Variants in SV2C observed in about 807,000 individuals in gnomAD.
SV2C encodes solute carrier family 22 member B3.
In SV2C, 49 loss-of-function variants were observed where a neutral mutation model predicts 79.7. The observed-to-expected ratio is 0.61, with a 90% CI of 0.49 to 0.78. The LOEUF is 0.78. SV2C is among the 30% of genes least tolerant of loss of function. SV2C has a pLI of 0.00. For synonymous variants in SV2C, 334 were observed against 333.2 expected, an observed-to-expected ratio of 1.00 and a Z score of -0.03; for missense variants, 833 against 912.9, an observed-to-expected ratio of 0.91 and a Z score of 1.13.
intron 1 of SV2C, among the ~76,000 whole-genome samples, chr5:76,114,097 G>A (rs535330728): frequency 7.0e-4 from 107 of 152,250 alleles, no homozygotes; most frequent in African/African-American, 2.3e-3. Context: ...ACGGCTCTGT[G>A]GGGACTTGTG....
At chr5:75,900,730 T>G in the SV2C span, among the ~76,000 whole-genome samples, 1 of 152,096 alleles carries the variant, frequency 6.6e-6, no homozygotes, top group Non-Finnish European at 1.5e-5. Flanking sequence ...ACCAATCAGA[T>G]GTAGATTTGG....
chr5:76,051,662 C>A, the SV2C span, among the ~76,000 whole-genome samples: 1 of 152,118 alleles, frequency 6.6e-6, no homozygotes, highest in East Asian at 1.9e-4. Context: ...AATGCAAAAA[C>A]TTTGTTAAAA....
At chr5:76,215,347 C>G (rs1040060133) in intron 4 of SV2C, among the ~76,000 whole-genome samples, 5 of 152,116 alleles carry the variant, frequency 3.3e-5, no homozygotes, top group African/African-American at 1.2e-4. Flanking sequence ...ATAAGGAGAA[C>G]AGTGAGCCTG....
At chr5:75,880,929 C>T in the SV2C span, among the ~76,000 whole-genome samples, 1 of 152,110 alleles carries the variant, frequency 6.6e-6, no homozygotes, top group Non-Finnish European at 1.5e-5. Context: ...AGCACAGCTC[C>T]AGCATCTGCT....
chr5:75,881,746 C>T, the SV2C span, among the ~76,000 whole-genome samples: 7 of 151,452 alleles, frequency 4.6e-5, no homozygotes, highest in Admixed American at 1.3e-4. Context: ...TCTGCAAACA[C>T]GGACAATTTG....
intron 1 of SV2C, among the ~76,000 whole-genome samples, chr5:76,131,075 A>G (rs1748872931): frequency 6.6e-6 from 1 of 152,204 alleles, no homozygotes; most frequent in African/African-American, 2.4e-5. Context: ...TTGGGGTGCC[A>G]TGTGAGTCTC....
rs1269467430 is a variant in SV2C, at chr5:76,233,024, T to C, written c.913+23137T>C. On this transcript the variant is annotated intron_variant, in intron 4 of 12. Transcript: ENST00000502798. ...GATGGCATTGAATCTGTAAATTACC[T>C]TGGGCAGTATGGCCTTTTTCACGAT... Among the ~76,000 whole-genome samples, 3 of 141,424 alleles carry C rather than the reference T, an allele frequency of 2.1e-5. 1 individual carries two copies. Among genetic ancestry groups the C allele is most frequent in the African/African-American group, 9.4e-5 (3 of 31,754 alleles). 92.8% of individuals were successfully genotyped at this position (141,424 alleles called of 152,430 possible).
the SV2C span, among the ~76,000 whole-genome samples, chr5:75,904,400 C>CAGAGAGAGAG: frequency 6.5e-4 from 90 of 138,844 alleles, no homozygotes; most frequent in East Asian, 1.9e-3. Flanking sequence ...AAAACAAACC[C>CAGAGAGAGAG]AGAGAGAGAG....
the SV2C span, among the ~76,000 whole-genome samples, chr5:75,949,917 G>A: frequency 6.6e-6 from 1 of 152,038 alleles, no homozygotes; most frequent in African/African-American, 2.4e-5. Context: ...AGGATTTCTT[G>A]AGGGATTGGA....
At chr5:76,097,400 TG>T (rs1747601006) in intron 1 of SV2C, among the ~76,000 whole-genome samples, 1 of 152,172 alleles carries the variant, frequency 6.6e-6, no homozygotes, top group Non-Finnish European at 1.5e-5. Context: ...TTGCCACTGG[TG>T]ACAAACCTAT....
At chr5:75,956,633 G>A in the SV2C span, among the ~76,000 whole-genome samples, 2 of 152,008 alleles carry the variant, frequency 1.3e-5, no homozygotes, top group South Asian at 4.2e-4. Flanking sequence ...GATTATGAGA[G>A]CAGTAGCATT....
intron 12 of SV2C, among the ~76,000 whole-genome samples, chr5:76,350,083 T>C (rs1050223166): frequency 6.6e-6 from 1 of 152,340 alleles, no homozygotes; most frequent in Non-Finnish European, 1.5e-5. Context: ...ATCCTTCATC[T>C]TGAGCTATTT....
At chr5:76,010,380 A>AGCAATTT in the SV2C span, among the ~76,000 whole-genome samples, 1 of 152,172 alleles carries the variant, frequency 6.6e-6, no homozygotes. Context: ...TGCAAAATGC[A>AGCAATTT]GCAATTTGCT....
At chr5:76,068,306 C>G in the SV2C span, among the ~76,000 whole-genome samples, 1 of 152,110 alleles carries the variant, frequency 6.6e-6, no homozygotes, top group African/African-American at 2.4e-5. Flanking sequence ...GAGATACAAT[C>G]ATGGAATTTT....
At position 76,333,187 on chromosome 5, in the gene SV2C, T is replaced by C. The variant is rs1749233398; in HGVS notation, c.*7640T>C. ...GCCTACCTAGATAGAACTTGACAAA[T>C]TGGCCTAACTTCATCTCCGCTGCTA... On this transcript the variant is annotated 3_prime_UTR_variant, in exon 13 of 13. Coordinates refer to ENST00000502798, the MANE Select transcript of SV2C (RefSeq NM_014979.4). 6.6e-6 allele frequency: 1 copy of C among 152,204 alleles called. No homozygotes were observed. Among genetic ancestry groups the C allele is most frequent in the Non-Finnish European group, 1.5e-5 (1 of 68,024 alleles). 9.4% of individuals were successfully genotyped at this position (152,204 alleles called of 1,614,324 possible).
At chr5:75,906,833 A>G in the SV2C span, among the ~76,000 whole-genome samples, 1 of 152,058 alleles carries the variant, frequency 6.6e-6, no homozygotes, top group Non-Finnish European at 1.5e-5. Context: ...CCCCACCCCC[A>G]TGGAAATTTG....
At chr5:76,168,276 G>A (rs771628503) in intron 2 of SV2C, among the ~76,000 whole-genome samples, 11 of 152,020 alleles carry the variant, frequency 7.2e-5, no homozygotes, top group East Asian at 1.9e-4. Flanking sequence ...GGCCTTCCCC[G>A]ACCTCTGGGA....
At chr5:76,274,002 A>G (rs1447474501) in intron 4 of SV2C, among the ~76,000 whole-genome samples, 1 of 152,250 alleles carries the variant, frequency 6.6e-6, no homozygotes, top group Non-Finnish European at 1.5e-5. Flanking sequence ...TTTTTCACCC[A>G]GAGATACCAG....
intron 4 of SV2C, among the ~76,000 whole-genome samples, chr5:76,266,908 G>A (rs1402694964): frequency 6.6e-6 from 1 of 152,186 alleles, no homozygotes; most frequent in Non-Finnish European, 1.5e-5. Context: ...GCAGAATGAG[G>A]ATTAACAGTC....
Sources: allele counts gnomAD v4.1 joint callset (sites outside exome capture counted in the v4.1 genomes callset), GRCh38; gene constraint gnomAD v4.1.1; transcripts MANE v1.5; gene names NCBI Gene and HGNC (gene_info 2026-07-23, HGNC 2026-07-21).